The following ADK variants were observed in gnomAD, a reference collection of about 807,000 sequenced individuals.
ADK encodes N6,N6-dimethyladenosine kinase.
ADK carries 24 observed loss-of-function variants against 44.7 expected under a neutral mutation model. The ratio of observed to expected loss-of-function variants is 0.54; its 90% CI spans 0.39 to 0.76. The LOEUF (loss-of-function observed/expected upper bound fraction) is 0.76, where lower values mean the gene tolerates loss of function less well. ADK is among the 30% of genes least tolerant of loss of function. The probability of loss-of-function intolerance (pLI) is 0.00; values close to 1 mark genes in which losing one functional copy is unlikely to be tolerated. For synonymous variants in ADK, 128 were observed against 142.6 expected (o/e 0.90, Z 0.73); for missense variants, 321 against 425.1 (o/e 0.76, Z 2.15).
chr10:74,390,501 T>C (rs904097456), intron 4 of ADK, among the ~76,000 whole-genome samples: 1 of 152,146 alleles, frequency 6.6e-6, no homozygotes. Flanking sequence ...TTTCAACACA[T>C]TTGTGTTCTC....
chr10:74,300,775 C>T (rs1302510846), intron 3 of ADK, among the ~76,000 whole-genome samples: 1 of 152,188 alleles, frequency 6.6e-6, no homozygotes, highest in Non-Finnish European at 1.5e-5. Context: ...GTTTGAATCA[C>T]AAGTAATGTC....
chr10:74,250,338 C>G (rs1845602341), intron 3 of ADK, among the ~76,000 whole-genome samples: 1 of 152,120 alleles, frequency 6.6e-6, no homozygotes, highest in South Asian at 2.1e-4. Flanking sequence ...AGAAGTTACT[C>G]CTATTCCCCA....
chr10:74,430,657 G>A (rs1319891909), intron 6 of ADK, among the ~76,000 whole-genome samples: 1 of 151,984 alleles, frequency 6.6e-6, no homozygotes, highest in African/African-American at 2.4e-5. Flanking sequence ...CTGCCTCTAA[G>A]CTTTTAATTC....
chr10:74,190,892 A>C lies in ADK; in HGVS notation c.66-9872A>C, dbSNP rs192133508. ...CACAAAGCTTGCTATTCTTACTGAG[A>C]TGCAGCCATCTTTTTTTGAATAAAT... On this transcript the variant is annotated intron_variant, in intron 1 of 10. Transcript: ENST00000539909. Among the ~76,000 whole-genome samples the C allele has an allele frequency of 2.4e-3, 358 of 152,136 alleles. 1 individual carries two copies. Among genetic ancestry groups the C allele is most frequent in the African/African-American group, 7.6e-3 (316 of 41,514 alleles).
chr10:74,509,228 C>T (rs1228884578), intron 6 of ADK: 1 of 151,048 alleles, frequency 6.6e-6, no homozygotes, highest in Non-Finnish European at 1.5e-5. Flanking sequence ...GAGTCTCACT[C>T]TGTCGCCAGG....
intron 1 of ADK, chr10:74,176,864 G>A: frequency 6.2e-7 from 1 of 1,609,012 alleles, no homozygotes; most frequent in Non-Finnish European, 8.5e-7. Context: ...TGGGCAGGAG[G>A]GCGAAGCCAT....
intron 4 of ADK, among the ~76,000 whole-genome samples, chr10:74,332,325 C>G (rs1841246352): frequency 6.6e-6 from 1 of 152,072 alleles, no homozygotes; most frequent in Non-Finnish European, 1.5e-5. Context: ...TTTTTTATTT[C>G]TGTACAAAGT....
intron 4 of ADK, among the ~76,000 whole-genome samples, chr10:74,342,067 A>C (rs1486278450): frequency 6.6e-6 from 1 of 152,158 alleles, no homozygotes; most frequent in East Asian, 1.9e-4. Context: ...TATCACCTCA[A>C]AAAGAGCCCA....
intron 4 of ADK, among the ~76,000 whole-genome samples, chr10:74,357,699 C>T (rs773610049): frequency 4.0e-5 from 6 of 151,744 alleles, no homozygotes; most frequent in South Asian, 2.1e-4. Flanking sequence ...TTACATAGAC[C>T]GATAAAATAA....
Position 74,187,173 on chromosome 10 carries a change from T to A in ADK, c.66-13591T>A, listed in dbSNP as rs866882737. Among the ~76,000 whole-genome samples the A allele has an allele frequency of 1.3e-4, 20 of 152,314 alleles. No individual in the cohort carries two copies. The Middle Eastern group carries it at 0.01, about 78-fold the overall frequency. On this transcript the variant is annotated intron_variant, in intron 1 of 10. Transcript: ENST00000539909. ...ATTTCATCATGGTTTTTGTTTATATTTCCTTGATGGCTAATATGTGATTAT... is the reference window on the plus strand; with the variant it reads ...ATTTCATCATGGTTTTTGTTTATATATCCTTGATGGCTAATATGTGATTAT...
intron 6 of ADK, among the ~76,000 whole-genome samples, chr10:74,498,274 A>G (rs1847764276): frequency 6.6e-6 from 1 of 152,186 alleles, no homozygotes; most frequent in African/African-American, 2.4e-5. Context: ...ATTAGCATTT[A>G]CCTTATGTAA....
chr10:74,518,350 A>G (rs1022425307), intron 6 of ADK, among the ~76,000 whole-genome samples: 2 of 152,168 alleles, frequency 1.3e-5, no homozygotes, highest in African/African-American at 4.8e-5. Flanking sequence ...TTTCTGTTAC[A>G]ACACATCCTT....
At chr10:74,218,889 A>G (rs1001477500) in intron 2 of ADK, among the ~76,000 whole-genome samples, 1 of 152,176 alleles carries the variant, frequency 6.6e-6, no homozygotes, top group Admixed American at 6.5e-5. Context: ...GGAAAGGAAC[A>G]ACCGGTACCA....
At chr10:74,431,740 CCAATCAAT>C (rs3037403) in intron 6 of ADK, among the ~76,000 whole-genome samples, 1 of 150,396 alleles carries the variant, frequency 6.6e-6, no homozygotes, top group Non-Finnish European at 1.5e-5. Context: ...GACTCTGTCT[CCAATCAAT>C]CAATCAATCA....
intron 1 of ADK, among the ~76,000 whole-genome samples, chr10:74,151,725 A>G (rs1841596810): frequency 6.6e-6 from 1 of 152,184 alleles, no homozygotes; most frequent in Non-Finnish European, 1.5e-5. Context: ...GAGGCTCGGC[A>G]ACTGCTGTAC....
chr10:74,485,003 C>T (rs1847215319), intron 6 of ADK, among the ~76,000 whole-genome samples: 1 of 151,340 alleles, frequency 6.6e-6, no homozygotes, highest in Admixed American at 6.6e-5. Context: ...TTAAGCAGGA[C>T]ACAAAAGCAT....
intron 10 of ADK, among the ~76,000 whole-genome samples, chr10:74,692,351 C>T (rs1041923375): frequency 1.2e-4 from 19 of 152,042 alleles, no homozygotes; most frequent in African/African-American, 3.1e-4. Context: ...TGGTGGCAGG[C>T]GCCTATAATC....
chr10:74,374,602 C>G (rs1469839755), intron 4 of ADK, among the ~76,000 whole-genome samples: 1 of 152,102 alleles, frequency 6.6e-6, no homozygotes, highest in Admixed American at 6.5e-5. Flanking sequence ...GCCTAATTAT[C>G]TTTCTGAAAT....
intron 6 of ADK, among the ~76,000 whole-genome samples, chr10:74,431,123 T>G (rs536555753): frequency 6.7e-6 from 1 of 150,042 alleles, no homozygotes; most frequent in South Asian, 2.1e-4. Context: ...GATGGTAGCT[T>G]AGACTTATGG....
Sources: allele counts gnomAD v4.1 joint callset (sites outside exome capture counted in the v4.1 genomes callset), GRCh38; gene constraint gnomAD v4.1.1; transcripts MANE v1.5; gene names NCBI Gene and HGNC (gene_info 2026-07-23, HGNC 2026-07-21).